ABCG2: variants seen among roughly 807,000 people sequenced by gnomAD.
ABCG2 encodes the protein ATP binding cassette subfamily G member 2 (JR blood group), also known as broad substrate specificity ATP-binding cassette transporter ABCG2.
ABCG2 carries 80 observed loss-of-function variants against 73.5 expected under a neutral mutation model. The ratio of observed to expected loss-of-function variants is 1.09; its 90% CI spans 0.91 to 1.31. The LOEUF is 1.31. ABCG2 is among the 50% of genes most tolerant of loss of function. ABCG2 has a pLI of 0.00. For missense variants in ABCG2, 796 were observed against 786.2 expected, an observed-to-expected ratio of 1.01 and a Z score of -0.15; for synonymous variants, 269 against 282.4, an observed-to-expected ratio of 0.95 and a Z score of 0.48.
intron 15 of ABCG2, among the ~76,000 whole-genome samples, chr4:88,093,097 T>C (rs1336127558): frequency 6.6e-6 from 1 of 152,206 alleles, no homozygotes; most frequent in Non-Finnish European, 1.5e-5. Flanking sequence ...TAGGAAATCA[T>C]CTTGTACTAA....
intron 9 of ABCG2, among the ~76,000 whole-genome samples, chr4:88,113,018 G>C (rs1560670951): frequency 6.6e-6 from 1 of 152,172 alleles, no homozygotes. Flanking sequence ...GCTGAGGTGT[G>C]AGGATCACTT....
At chr4:88,099,626 G>A (rs199473686) in intron 11 of ABCG2, among the ~76,000 whole-genome samples, 178 bp from the exon 12 acceptor site, 61 of 152,152 alleles carry the variant, frequency 4.0e-4, no homozygotes, top group Non-Finnish European at 5.4e-4. Context: ...CAGCCTCCCT[G>A]AGAAAGCATC....
intron 1 of ABCG2, among the ~76,000 whole-genome samples, chr4:88,187,573 A>T (rs1335626064): frequency 6.6e-6 from 1 of 152,168 alleles, no homozygotes; most frequent in East Asian, 1.9e-4. Flanking sequence ...AGATCATGCC[A>T]TTGCACTCCA....
chr4:88,125,225 G>GC (rs1251837441), intron 5 of ABCG2, among the ~76,000 whole-genome samples: 4 of 151,634 alleles, frequency 2.6e-5, no homozygotes, highest in Admixed American at 1.3e-4. Context: ...CTGGGAGGCT[G>GC]AACTTGCAGT....
At chr4:88,195,705 T>A (rs1481268259) in intron 1 of ABCG2, among the ~76,000 whole-genome samples, 6 of 152,148 alleles carry the variant, frequency 3.9e-5, no homozygotes, top group Non-Finnish European at 8.8e-5. Context: ...ACCTTTGACT[T>A]GTGGTTTTAT....
chr4:88,216,726 T>C (rs149282188), intron 1 of ABCG2, among the ~76,000 whole-genome samples: 5 of 152,270 alleles, frequency 3.3e-5, no homozygotes, highest in South Asian at 2.1e-4. Flanking sequence ...AGCTACATAT[T>C]CTGGATAAAA....
chr4:88,099,550 A>C, intron 11 of ABCG2, 102 bp from the exon 12 acceptor site: 2 of 1,242,676 alleles, frequency 1.6e-6, no homozygotes, highest in Non-Finnish European at 2.2e-6. Flanking sequence ...GCAGGGGTTG[A>C]ACAAGCCAGC....
At chr4:88,140,906 A>G (rs1003574431) in intron 1 of ABCG2, among the ~76,000 whole-genome samples, 29 of 152,188 alleles carry the variant, frequency 1.9e-4, no homozygotes, top group African/African-American at 7.0e-4. Flanking sequence ...ATCAAACCAA[A>G]AGTTGAGCAA....
intron 11 of ABCG2, among the ~76,000 whole-genome samples, chr4:88,100,194 A>T (rs1578172111): frequency 7.1e-6 from 1 of 139,958 alleles, no homozygotes; most frequent in African/African-American, 2.9e-5. Flanking sequence ...AAAAAATTAA[A>T]AAAAAAAAAA....
intron 1 of ABCG2, among the ~76,000 whole-genome samples, chr4:88,220,200 A>G (rs558023699): frequency 1.8e-4 from 28 of 152,292 alleles, no homozygotes; most frequent in Admixed American, 1.6e-3. Context: ...TGTATACCAC[A>G]TTTTGTTTAT....
chr4:88,104,516 TGGGA>T (rs1722646896), intron 10 of ABCG2, among the ~76,000 whole-genome samples: 1 of 151,822 alleles, frequency 6.6e-6, no homozygotes, highest in South Asian at 2.1e-4. Context: ...CGAGAAGCAG[TGGGA>T]GGAAGAACAT....
intron 15 of ABCG2, 22 bp from the exon 16 acceptor site, chr4:88,092,403 A>C (rs763934343): frequency 6.2e-7 from 1 of 1,601,648 alleles, no homozygotes; most frequent in East Asian, 2.2e-5. Context: ...CAGAAAAAGA[A>C]TATAACTTCA....
chr4:88,178,424 C>T (rs753065487), intron 1 of ABCG2, among the ~76,000 whole-genome samples: 3 of 152,268 alleles, frequency 2.0e-5, no homozygotes, highest in African/African-American at 7.2e-5. Flanking sequence ...CCAGGCAGTA[C>T]TTGTTGTAGG....
At chr4:88,218,880 A>C (rs926759384) in intron 1 of ABCG2, among the ~76,000 whole-genome samples, 1 of 152,160 alleles carries the variant, frequency 6.6e-6, no homozygotes, top group Non-Finnish European at 1.5e-5. Context: ...CAGATAGTGA[A>C]TATTTTAGGC....
intron 1 of ABCG2, among the ~76,000 whole-genome samples, chr4:88,177,183 T>C (rs1223876921): frequency 6.6e-6 from 1 of 151,736 alleles, no homozygotes; most frequent in Non-Finnish European, 1.5e-5. Flanking sequence ...CCATTCTGGC[T>C]AATACGGTGA....
Position 88,178,014 on chromosome 4 carries a change from G to A in ABCG2, c.-19-38000C>T, listed in dbSNP as rs565746638. 5.9e-5 allele frequency among the ~76,000 whole-genome samples: 9 copies of A among 152,224 alleles called. No individual in the cohort carries two copies. The South Asian group carries it at 1.9e-3, about 32-fold the overall frequency. ...ATAGGCCACGAAAACAGCAATTCCT[G>A]GAAAAGTTTTGGTGCTATGCTGGGC... On this transcript the variant is annotated intron_variant, in intron 1 of 15. Transcript: ENST00000515655.
intron 6 of ABCG2, among the ~76,000 whole-genome samples, chr4:88,119,456 A>G (rs1372431027): frequency 1.3e-5 from 2 of 152,232 alleles, no homozygotes; most frequent in Admixed American, 1.3e-4. Context: ...GCTAAGAAGA[A>G]GACAGGAAGA....
chr4:88,125,880 G>A (rs896084036), intron 5 of ABCG2, among the ~76,000 whole-genome samples: 3 of 151,916 alleles, frequency 2.0e-5, no homozygotes, highest in Non-Finnish European at 2.9e-5. Flanking sequence ...AACTAGAGAA[G>A]CAATAGCAAA....
chr4:88,163,665 T>G (rs1727403217), upstream of ABCG2: 2 of 274,368 alleles, frequency 7.3e-6, no homozygotes, highest in South Asian at 8.0e-5. Context: ...CCATCAGCAT[T>G]CACAAGCGCA....
Sources: gnomAD v4.1 joint callset for allele counts (sites outside exome capture counted in the v4.1 genomes callset) on GRCh38, gnomAD v4.1.1 for gene constraint, MANE v1.5 for transcripts, NCBI Gene and HGNC (gene_info 2026-07-23, HGNC 2026-07-21) for gene names.